Variants in CTNNA3 observed in about 807,000 individuals in gnomAD.
CTNNA3 encodes catenin alpha 3.
A neutral mutation model predicts 95.7 loss-of-function variants in CTNNA3; 76 were observed. The ratio of observed to expected loss-of-function variants is 0.79; its 90% CI spans 0.66 to 0.96. CTNNA3 has a LOEUF of 0.96. Ranked by LOEUF, CTNNA3 falls within the 40% of genes least tolerant of loss-of-function variation. CTNNA3 has a pLI of 0.00. For synonymous variants in CTNNA3, 431 were observed against 374.4 expected, an observed-to-expected ratio of 1.15 and a Z score of -1.74; for missense variants, 1,191 against 1,089.8, an observed-to-expected ratio of 1.09 and a Z score of -1.31.
At chr10:67,132,404 A>C (rs1860061325) in intron 7 of CTNNA3, among the ~76,000 whole-genome samples, 1 of 152,176 alleles carries the variant, frequency 6.6e-6, no homozygotes, top group South Asian at 2.1e-4. Context: ...CAACTATAAA[A>C]CCTGGTGTAA....
At chr10:66,565,060 A>T (rs924965384) in intron 10 of CTNNA3, among the ~76,000 whole-genome samples, 1 of 152,180 alleles carries the variant, frequency 6.6e-6, no homozygotes, top group African/African-American at 2.4e-5. Flanking sequence ...CAAGTTTCAA[A>T]TTACTGAGTC....
chr10:67,214,064 TTA>T (rs1270373651), intron 6 of CTNNA3, among the ~76,000 whole-genome samples: 1 of 151,836 alleles, frequency 6.6e-6, no homozygotes, highest in Non-Finnish European at 1.5e-5. Flanking sequence ...AGATTTCGTT[TTA>T]TATTCTAAGC....
intron 12 of CTNNA3, among the ~76,000 whole-genome samples, chr10:66,360,639 C>CTTTCTTTCTTCCTTCCTTCCTTCCTTCCT (rs1564896022): frequency 3.5e-5 from 2 of 56,536 alleles, no homozygotes; most frequent in African/African-American, 6.3e-5. Flanking sequence ...TTCTTTCTTT[C>CTTTCTTTCTTCCTTCCTTCCTTCCTTCCT]TTTCTTTCTT....
intron 9 of CTNNA3, among the ~76,000 whole-genome samples, chr10:66,645,201 T>C (rs1845663715): frequency 6.6e-6 from 1 of 152,154 alleles, no homozygotes; most frequent in Non-Finnish European, 1.5e-5. Flanking sequence ...GTTAGCATTT[T>C]ACATTTTGAT....
chr10:67,701,696 G>A (rs1316723028), intron 1 of CTNNA3, among the ~76,000 whole-genome samples: 1 of 152,144 alleles, frequency 6.6e-6, no homozygotes, highest in African/African-American at 2.4e-5. Flanking sequence ...GACCATCGAG[G>A]CTAGGAAGAA....
intron 7 of CTNNA3, among the ~76,000 whole-genome samples, chr10:67,033,012 A>C (rs1853828217): frequency 6.6e-6 from 1 of 152,136 alleles, no homozygotes; most frequent in Non-Finnish European, 1.5e-5. Context: ...TACTTGAATT[A>C]TTTTACAGTA....
intron 5 of CTNNA3, among the ~76,000 whole-genome samples, chr10:67,398,930 G>T (rs1741067999): frequency 6.6e-6 from 1 of 152,136 alleles, no homozygotes; most frequent in South Asian, 2.1e-4. Flanking sequence ...CAGCCATGTT[G>T]AACTGTGAGT....
At chr10:66,016,756 C>T (rs560528153) in intron 15 of CTNNA3, among the ~76,000 whole-genome samples, 85 of 152,152 alleles carry the variant, frequency 5.6e-4, no homozygotes, top group South Asian at 1.9e-3. Flanking sequence ...TGCTTCTATT[C>T]TCATCTAAAA....
intron 10 of CTNNA3, among the ~76,000 whole-genome samples, chr10:66,607,123 A>G (rs758050265): frequency 2.2e-4 from 33 of 152,264 alleles, no homozygotes; most frequent in Non-Finnish European, 4.3e-4. Flanking sequence ...ACAGAAATAC[A>G]AATAATCATC....
chr10:66,062,222 TA>T (rs1423097106), intron 15 of CTNNA3, among the ~76,000 whole-genome samples: 1 of 152,164 alleles, frequency 6.6e-6, no homozygotes, highest in Non-Finnish European at 1.5e-5. Context: ...CTTTTATTAA[TA>T]AAATAATATT....
At chr10:66,144,916 C>A (rs1401385479) in intron 13 of CTNNA3, among the ~76,000 whole-genome samples, 1 of 152,170 alleles carries the variant, frequency 6.6e-6, no homozygotes, top group Non-Finnish European at 1.5e-5. Flanking sequence ...CATATGCATA[C>A]TTTTAGGGAA....
chr10:66,766,158 G>A, intron 9 of CTNNA3, 106 bp downstream of exon 9: 1 of 1,114,356 alleles, frequency 9.0e-7, no homozygotes, highest in Non-Finnish European at 1.3e-6. Flanking sequence ...TGCTGTATTT[G>A]TAACACGGTG....
intron 9 of CTNNA3, among the ~76,000 whole-genome samples, chr10:66,658,996 T>C (rs1056738225): frequency 6.6e-6 from 1 of 152,136 alleles, no homozygotes; most frequent in Non-Finnish European, 1.5e-5. Context: ...GCAGTTTTTT[T>C]CTTCTCAGTC....
At chr10:66,473,428 T>C (rs1839205779) in intron 11 of CTNNA3, among the ~76,000 whole-genome samples, 1 of 152,008 alleles carries the variant, frequency 6.6e-6, no homozygotes, top group Admixed American at 6.6e-5. Context: ...CTGCCATGAT[T>C]ATAGTTTTCT....
At chr10:67,213,690 T>C (rs188508006) in intron 6 of CTNNA3, among the ~76,000 whole-genome samples, 1 of 151,826 alleles carries the variant, frequency 6.6e-6, no homozygotes, top group African/African-American at 2.4e-5. Flanking sequence ...TTATAATTTA[T>C]TCATGACCCA....
chr10:67,351,393 C>A (rs916092083), intron 5 of CTNNA3, among the ~76,000 whole-genome samples: 2 of 151,644 alleles, frequency 1.3e-5, no homozygotes, highest in African/African-American at 4.8e-5. Flanking sequence ...TAAAAAATCT[C>A]TTCTACAAGA....
At chr10:67,571,044 T>C (rs1026483533) in intron 3 of CTNNA3, among the ~76,000 whole-genome samples, 1 of 152,144 alleles carries the variant, frequency 6.6e-6, no homozygotes, top group Non-Finnish European at 1.5e-5. Flanking sequence ...TAAGTCTATG[T>C]TTTAGGAAGA....
chr10:67,289,993 A>G, intron 5 of CTNNA3, among the ~76,000 whole-genome samples: 1 of 151,818 alleles, frequency 6.6e-6, no homozygotes, highest in Non-Finnish European at 1.5e-5. Flanking sequence ...ATTTGTAGAG[A>G]CAGGGTCTCA....
chr10:67,308,515 A>G (rs1309454379), intron 5 of CTNNA3, among the ~76,000 whole-genome samples: 2 of 152,190 alleles, frequency 1.3e-5, no homozygotes, highest in Non-Finnish European at 2.9e-5. Flanking sequence ...CTTTCTTTAT[A>G]AATTACCCCA....
Sources: gnomAD v4.1 joint callset for allele counts (sites outside exome capture counted in the v4.1 genomes callset) on GRCh38, gnomAD v4.1.1 for gene constraint, MANE v1.5 for transcripts, NCBI Gene and HGNC (gene_info 2026-07-23, HGNC 2026-07-21) for gene names.